Variants in SYNE1 observed in about 807,000 individuals in gnomAD.
SYNE1 encodes spectrin repeat containing nuclear envelope protein 1, also known as nesprin-1.
SYNE1 carries 616 observed loss-of-function variants against 1,111.0 expected under a neutral mutation model. The observed-to-expected ratio is 0.55, with a 90% confidence interval of 0.52 to 0.59. SYNE1 has a LOEUF of 0.59. Ranked by LOEUF, SYNE1 falls within the 20% of genes least tolerant of loss-of-function variation. The pLI is 0.00. For missense variants in SYNE1, 10,006 were observed against 10,417.0 expected (o/e 0.96, Z 1.72); for synonymous variants, 3,855 against 3,825.8 (o/e 1.01, Z -0.28).
intron 129 of SYNE1, among the ~76,000 whole-genome samples, chr6:152,179,932 C>T (rs2067521185): frequency 6.6e-6 from 1 of 151,794 alleles, no homozygotes; most frequent in African/African-American, 2.4e-5. Flanking sequence ...ATCTGCCCAC[C>T]TCAGCCTCCC....
chr6:152,398,274 T>G (rs2097765553), intron 49 of SYNE1, among the ~76,000 whole-genome samples: 1 of 152,180 alleles, frequency 6.6e-6, no homozygotes, highest in East Asian at 1.9e-4. Flanking sequence ...AAACCATGTC[T>G]TCTTCTTTTT....
chr6:152,372,605 A>G (rs1210457205), intron 59 of SYNE1, among the ~76,000 whole-genome samples: 1 of 152,236 alleles, frequency 6.6e-6, no homozygotes, highest in Non-Finnish European at 1.5e-5. Flanking sequence ...TTGTTTCTGC[A>G]TACTTAATGC....
In SYNE1 at chr6:152,309,781, G is replaced by A. The variant is rs758702662; in HGVS notation, c.17202+54C>T. 3.7e-6 allele frequency: 6 copies of A among 1,605,330 alleles called. No individual in the cohort carries two copies. In the Admixed American group the frequency reaches 5.0e-5, roughly 13 times the overall value. On this transcript the variant is annotated intron_variant, in intron 90 of 145. Transcript: ENST00000367255. ...CTGAGCCCACACAATGCTAAGAAAAGAAGCCCATGATTCATCAGCAATTGC... is the reference window on the plus strand; with the variant it reads ...CTGAGCCCACACAATGCTAAGAAAAAAAGCCCATGATTCATCAGCAATTGC...
intron 105 of SYNE1, among the ~76,000 whole-genome samples, chr6:152,246,897 C>T (rs1174883214): frequency 6.6e-6 from 1 of 152,100 alleles, no homozygotes; most frequent in Admixed American, 6.5e-5. Flanking sequence ...CAACAAATGA[C>T]CCTGAAGGAT....
At chr6:152,420,917 G>A (rs2098248913) in intron 39 of SYNE1, among the ~76,000 whole-genome samples, 1 of 152,168 alleles carries the variant, frequency 6.6e-6, no homozygotes, top group South Asian at 2.1e-4. Flanking sequence ...AGAAATTGGA[G>A]ACTATTTGTG....
At position 152,502,639 on chromosome 6, in the gene SYNE1, C is replaced by T. The variant is rs1392579472; in HGVS notation, c.882G>A (p.Glu294=). ...DIHNASTDGQ[E]DDEILPGFPS... Reference sequence around the variant, plus strand: ...GAAGAAAGCAAATACCTACATCATCCTCTTGCCCATCAGTGCTTGCATTGT... The same window carrying T: ...GAAGAAAGCAAATACCTACATCATCTTCTTGCCCATCAGTGCTTGCATTGT... The change falls in exon 10 of 146, where the codon GAG becomes GAA. Residue 294 remains glutamate (E), a synonymous_variant. Coordinates refer to ENST00000367255, the MANE Select transcript of SYNE1 (RefSeq NM_182961.4). 1.9e-6 allele frequency: 3 copies of T among 1,612,096 alleles called. No individual in the cohort carries two copies. The highest frequency in any genetic ancestry group is 1.6e-4 in the Middle Eastern group (1 of 6,080).
chr6:152,152,206 G>A (rs996035803), intron 133 of SYNE1, 65 bp from the exon 134 acceptor site: 2 of 1,441,344 alleles, frequency 1.4e-6, no homozygotes, highest in African/African-American at 1.4e-5. Flanking sequence ...GTGGCTCCTG[G>A]TTTTCTTATT....
chr6:152,397,089 C>T (rs1285313590), intron 49 of SYNE1, 109 bp from the exon 50 acceptor site: 3 of 1,138,850 alleles, frequency 2.6e-6, no homozygotes, highest in Non-Finnish European at 3.9e-6. Context: ...AATGGCTTAA[C>T]AAGGCTGGAG....
chr6:152,316,667 T>C (rs1377157600), intron 87 of SYNE1, 182 bp downstream of exon 87: 7 of 655,756 alleles, frequency 1.1e-5, no homozygotes, highest in Non-Finnish European at 1.8e-5. Flanking sequence ...TTCAATTTCA[T>C]GAAATTTCAT....
chr6:152,431,170 C>A (rs994576192), intron 34 of SYNE1, among the ~76,000 whole-genome samples: 1 of 152,142 alleles, frequency 6.6e-6, no homozygotes, highest in African/African-American at 2.4e-5. Context: ...GGTTTAATAA[C>A]TGCACACCTA....
intron 73 of SYNE1, among the ~76,000 whole-genome samples, chr6:152,344,816 T>C (rs973687276): frequency 3.9e-5 from 6 of 152,200 alleles, no homozygotes; most frequent in Admixed American, 2.6e-4. Context: ...GATATGTCTA[T>C]TTAATTAATT....
chr6:152,237,266 A>G (rs1384859442), intron 108 of SYNE1, among the ~76,000 whole-genome samples: 3 of 151,130 alleles, frequency 2.0e-5, no homozygotes, highest in African/African-American at 7.3e-5. Flanking sequence ...TGAGGATTAA[A>G]TGGAATAATG....
Position 152,359,544 on chromosome 6 carries a change from C to A in SYNE1, c.10300-86G>T. 1.9e-6 allele frequency: 3 copies of A among 1,557,932 alleles called. No individual in the cohort carries two copies. The Admixed American group carries it at 5.1e-5, about 27-fold the overall frequency. On this transcript the variant is annotated intron_variant, in intron 64 of 145. Coordinates refer to ENST00000367255, the MANE Select transcript of SYNE1 (RefSeq NM_182961.4). ...CTAAAATCAAGATATTTTAATTGTA[C>A]AGTTGACAAGTGACCTCAGGTTATT...
chr6:152,433,068 T>C (rs2098442587), intron 34 of SYNE1, among the ~76,000 whole-genome samples: 1 of 149,018 alleles, frequency 6.7e-6, no homozygotes, highest in African/African-American at 2.5e-5. Flanking sequence ...TTGAATGAAA[T>C]AGCAGAGGGT....
chr6:152,481,802 G>A (rs2098902865), intron 14 of SYNE1, among the ~76,000 whole-genome samples: 1 of 150,036 alleles, frequency 6.7e-6, no homozygotes, highest in African/African-American at 2.5e-5. Context: ...TATGAGGCCT[G>A]AACTCTGGGT....
intron 58 of SYNE1, 26 bp from the exon 59 acceptor site, chr6:152,373,245 C>T (rs751798845): frequency 1.9e-6 from 3 of 1,580,806 alleles, no homozygotes; most frequent in Non-Finnish European, 8.6e-7. Context: ...TAGAATTAGC[C>T]ATAATGAAAA....
chr6:152,302,370 C>A, intron 91 of SYNE1: 5 of 478,584 alleles, frequency 1.0e-5, no homozygotes, highest in Non-Finnish European at 1.2e-5. Flanking sequence ...GAATCATGAA[C>A]TTCCGCAACA....
chr6:152,516,153 C>T (rs2099110640), intron 6 of SYNE1, among the ~76,000 whole-genome samples: 2 of 152,078 alleles, frequency 1.3e-5, no homozygotes, highest in African/African-American at 4.8e-5. Context: ...CATTACTTCC[C>T]ACAGGCAAAC....
At chr6:152,155,680 T>C (rs1275789224) in intron 132 of SYNE1, among the ~76,000 whole-genome samples, 1 of 152,228 alleles carries the variant, frequency 6.6e-6, no homozygotes, top group African/African-American at 2.4e-5. Flanking sequence ...TATGTTTCCG[T>C]ATTATATTTC....
Sources: allele counts gnomAD v4.1 joint callset (sites outside exome capture counted in the v4.1 genomes callset), GRCh38; gene constraint gnomAD v4.1.1; transcripts MANE v1.5; gene names NCBI Gene and HGNC (gene_info 2026-07-23, HGNC 2026-07-21).